Variants in UBA3 observed in about 807,000 individuals in gnomAD.
UBA3 encodes NEDD8-activating enzyme E1 catalytic subunit.
UBA3 carries 26 observed loss-of-function variants against 73.5 expected under a neutral mutation model. That is an observed-to-expected ratio of 0.35 (90% confidence interval 0.26 to 0.49). UBA3 has a LOEUF of 0.49. Ranked by LOEUF, UBA3 falls within the 20% of genes least tolerant of loss-of-function variation. The pLI is 0.98. For synonymous variants in UBA3, 217 were observed against 191.2 expected (o/e 1.13, Z -1.11); for missense variants, 495 against 555.6 (o/e 0.89, Z 1.10).
At chr3:69,060,290 C>CA (rs796240868) in intron 11 of UBA3, among the ~76,000 whole-genome samples, 2,172 of 138,404 alleles carry the variant, frequency 0.016, 52 homozygotes, top group African/African-American at 0.054. Flanking sequence ...TTAAGAAAAA[C>CA]AAAAAAAAAA....
intron 12 of UBA3, 98 bp downstream of exon 12, chr3:69,057,158 C>A: frequency 8.0e-7 from 1 of 1,253,140 alleles, no homozygotes; most frequent in Non-Finnish European, 1.1e-6. Context: ...CACAACCCAT[C>A]CAAGAAGATA....
chr3:69,075,992 A>G (rs920501774), intron 3 of UBA3, among the ~76,000 whole-genome samples: 1 of 152,022 alleles, frequency 6.6e-6, no homozygotes, highest in Admixed American at 6.5e-5. Flanking sequence ...CAGCCTCCCA[A>G]AGTTTCTTGG....
intron 9 of UBA3, 83 bp from the exon 10 acceptor site, chr3:69,062,262 C>T: frequency 1.2e-6 from 1 of 868,730 alleles, no homozygotes; most frequent in South Asian, 1.5e-5. Context: ...TAGTTCTTAA[C>T]AATTTCATAC....
At position 69,074,033 on chromosome 3, in the gene UBA3, A is replaced by G. The variant is rs372468978; in HGVS notation, c.264+1397T>C. On this transcript the variant is annotated intron_variant, in intron 4 of 17. Transcript: ENST00000361055. ...ACAAGGAGTAAAATTGAAAACCCTT[A>G]GTTTTCTTCTTTTGTGTAAAAGATT... Among the ~76,000 whole-genome samples, 14 of 152,256 alleles carry G rather than the reference A, an allele frequency of 9.2e-5. 1 individual carries two copies. In the South Asian group the frequency reaches 2.7e-3, roughly 29 times the overall value.
chr3:69,055,760 T>C, intron 17 of UBA3, 91 bp downstream of exon 17: 2 of 1,276,068 alleles, frequency 1.6e-6, no homozygotes, highest in South Asian at 2.7e-5. Flanking sequence ...ATACAAGGCA[T>C]TAAGAGGAAA....
At chr3:69,072,138 C>T (rs573114588) in intron 4 of UBA3, among the ~76,000 whole-genome samples, 4 of 152,046 alleles carry the variant, frequency 2.6e-5, no homozygotes, top group African/African-American at 4.8e-5. Context: ...GAATCAAGAG[C>T]ATGCAATTTA....
chr3:69,062,241 C>T (rs571861327), intron 9 of UBA3, 62 bp from the exon 10 acceptor site: 571 of 1,062,468 alleles, frequency 5.4e-4, no homozygotes, highest in Non-Finnish European at 7.9e-4. Context: ...ATGCAACTTC[C>T]AGTTATGATC....
intron 8 of UBA3, 30 bp downstream of exon 8, chr3:69,063,409 A>G: frequency 6.3e-7 from 1 of 1,581,332 alleles, no homozygotes; most frequent in Non-Finnish European, 8.6e-7. Flanking sequence ...CAAGAACTTC[A>G]GAGAACTATA....
At chr3:69,059,569 C>T (rs767075087) in intron 11 of UBA3, among the ~76,000 whole-genome samples, 6 of 152,050 alleles carry the variant, frequency 3.9e-5, no homozygotes, top group African/African-American at 9.7e-5. Flanking sequence ...CCATCCCCGG[C>T]GTAGGAACTC....
At chr3:69,057,333 T>A (rs759681377) in intron 11 of UBA3, 24 bp from the exon 12 acceptor site, 2 of 1,593,890 alleles carry the variant, frequency 1.3e-6, no homozygotes, top group South Asian at 2.3e-5. Flanking sequence ...TCAATTAAAA[T>A]ATGGTCATTT....
At chr3:69,059,869 G>C (rs2092007736) in intron 11 of UBA3, among the ~76,000 whole-genome samples, 2 of 152,138 alleles carry the variant, frequency 1.3e-5, no homozygotes, top group African/African-American at 4.8e-5. Context: ...GAGCATGACT[G>C]GTTACTAGAC....
intron 6 of UBA3, among the ~76,000 whole-genome samples, chr3:69,065,571 T>C (rs1189045539): frequency 1.3e-5 from 2 of 152,046 alleles, no homozygotes; most frequent in African/African-American, 2.4e-5. Flanking sequence ...GCCTCCCACA[T>C]AGCTGGGACT....
intron 6 of UBA3, among the ~76,000 whole-genome samples, chr3:69,064,494 C>A (rs769705359): frequency 2.0e-5 from 3 of 152,208 alleles, no homozygotes; most frequent in Non-Finnish European, 4.4e-5. Context: ...GAAAGATGCA[C>A]ATTATAGTTC....
At chr3:69,065,960 TTTTG>T (rs1465446318) in intron 6 of UBA3, among the ~76,000 whole-genome samples, 1 of 152,144 alleles carries the variant, frequency 6.6e-6, no homozygotes, top group Non-Finnish European at 1.5e-5. Flanking sequence ...TTGAATTTTT[TTTTG>T]TTTTACTGTT....
rs770226474 is a variant in UBA3, at chr3:69,055,843, T to C, written c.1303+8A>G. The stretch of plus-strand genomic sequence containing the variant: ...AAAATGATTAGTAAATACCCTTATG[T>C]AAAATACCTTTCAATGTTTTGGAGA... On this transcript the variant is annotated splice_region_variant and intron_variant, in intron 17 of 17. Transcript: ENST00000361055. 6.2e-7 allele frequency: 1 copy of C among 1,609,496 alleles called. No homozygotes were observed. The highest frequency in any genetic ancestry group is 8.5e-7 in the Non-Finnish European group (1 of 1,178,006).
At chr3:69,068,718 ATT>A (rs1218252632) in intron 5 of UBA3, among the ~76,000 whole-genome samples, 1 of 152,036 alleles carries the variant, frequency 6.6e-6, no homozygotes, top group Admixed American at 6.6e-5. Flanking sequence ...GGGAGGTGAG[ATT>A]ACAGGTGCCT....
At chr3:69,058,683 T>C (rs990048787) in intron 11 of UBA3, among the ~76,000 whole-genome samples, 4 of 152,078 alleles carry the variant, frequency 2.6e-5, no homozygotes, top group Non-Finnish European at 5.9e-5. Context: ...AGTAAGAACA[T>C]TGCCAAAATG....
chr3:69,063,341 A>G, intron 8 of UBA3, 98 bp downstream of exon 8: 7 of 1,347,444 alleles, frequency 5.2e-6, no homozygotes, highest in Non-Finnish European at 7.1e-6. Context: ...ATTAAAAATT[A>G]AACTCTGATT....
chr3:69,079,956 G>C (rs1037213183), intron 2 of UBA3, 156 bp downstream of exon 2: 9 of 638,224 alleles, frequency 1.4e-5, no homozygotes, highest in Non-Finnish European at 2.3e-5. Context: ...AGGCCCCCGG[G>C]GCTGCGGGGC....
Sources: gnomAD v4.1 joint callset for allele counts (sites outside exome capture counted in the v4.1 genomes callset) on GRCh38, gnomAD v4.1.1 for gene constraint, MANE v1.5 for transcripts, NCBI Gene and HGNC (gene_info 2026-07-23, HGNC 2026-07-21) for gene names.